ADAMTSL1: variants seen among roughly 807,000 people sequenced by gnomAD.
ADAMTSL1 encodes the protein ADAMTS like 1.
Under a neutral mutation model 201.8 loss-of-function variants are expected in ADAMTSL1, and 126 were observed. The observed-to-expected ratio is 0.62, with a 90% CI of 0.54 to 0.72. ADAMTSL1 has a LOEUF of 0.72. Among genes scored for constraint, ADAMTSL1 ranks in the 30% least tolerant of loss-of-function variants. The probability of loss-of-function intolerance (pLI) is 0.00; values close to 1 mark genes in which losing one functional copy is unlikely to be tolerated. For synonymous variants in ADAMTSL1, 1,121 were observed against 903.4 expected (o/e 1.24, Z -4.32); for missense variants, 2,679 against 2,277.8 (o/e 1.18, Z -3.59).
chr9:18,207,728 A>AC (rs1338897591), intron 2 of ADAMTSL1, among the ~76,000 whole-genome samples: 1 of 152,008 alleles, frequency 6.6e-6, no homozygotes, highest in African/African-American at 2.4e-5. Context: ...CTGTTTTTCA[A>AC]CCTCTTGGAA....
intron 23 of ADAMTSL1, among the ~76,000 whole-genome samples, chr9:18,849,721 G>A (rs567790309): frequency 1.4e-4 from 21 of 152,308 alleles, no homozygotes; most frequent in East Asian, 7.7e-4. Context: ...CTGGAAGGCC[G>A]AGGTTTTATG....
intron 19 of ADAMTSL1, among the ~76,000 whole-genome samples, chr9:18,782,348 T>C (rs952629498): frequency 9.2e-5 from 14 of 152,242 alleles, no homozygotes; most frequent in African/African-American, 3.1e-4. Context: ...TATGTTCCCT[T>C]GGAGTTTACA....
At chr9:18,359,707 A>C (rs1836416989) in intron 2 of ADAMTSL1, among the ~76,000 whole-genome samples, 1 of 152,048 alleles carries the variant, frequency 6.6e-6, no homozygotes, top group African/African-American at 2.4e-5. Context: ...TGATCATGTA[A>C]GATATGTATA....
At chr9:18,290,867 T>G (rs138695998) in intron 2 of ADAMTSL1, among the ~76,000 whole-genome samples, 56 of 151,096 alleles carry the variant, frequency 3.7e-4, no homozygotes, top group Non-Finnish European at 6.9e-4. Context: ...CTACAAGCTC[T>G]GCCTCCCAGG....
At chr9:18,556,446 T>A (rs561025315) in intron 3 of ADAMTSL1, among the ~76,000 whole-genome samples, 3 of 152,118 alleles carry the variant, frequency 2.0e-5, no homozygotes, top group Non-Finnish European at 4.4e-5. Flanking sequence ...TTAATCAGTC[T>A]TTCCCCTTCT....
chr9:18,675,191 A>G (rs148925530), intron 9 of ADAMTSL1, among the ~76,000 whole-genome samples: 3 of 152,314 alleles, frequency 2.0e-5, no homozygotes, highest in African/African-American at 4.8e-5. Flanking sequence ...ATAGACCACA[A>G]AAACCCACTT....
intron 4 of ADAMTSL1, among the ~76,000 whole-genome samples, chr9:18,583,760 G>T (rs1218401391): frequency 6.6e-6 from 1 of 152,210 alleles, no homozygotes; most frequent in Non-Finnish European, 1.5e-5. Context: ...GAGTGATCCA[G>T]ATATGAGACA....
chr9:18,662,857 CT>C (rs1305617372), intron 9 of ADAMTSL1, among the ~76,000 whole-genome samples: 1 of 152,070 alleles, frequency 6.6e-6, no homozygotes, highest in Admixed American at 6.5e-5. Flanking sequence ...TGGTGATTCT[CT>C]TTAGTATAGT....
chr9:18,454,570 A>T (rs749936047), intron 2 of ADAMTSL1, among the ~76,000 whole-genome samples: 19 of 152,156 alleles, frequency 1.2e-4, no homozygotes, highest in Non-Finnish European at 2.1e-4. Context: ...ATGTCTGGGA[A>T]CACACCTATC....
chr9:18,673,303 T>C (rs1327273761), intron 9 of ADAMTSL1, among the ~76,000 whole-genome samples: 1 of 151,988 alleles, frequency 6.6e-6, no homozygotes, highest in Admixed American at 6.6e-5. Context: ...AGCAACAGTG[T>C]AGTGAAAGGC....
chr9:18,425,188 TC>T (rs1048303130), intron 2 of ADAMTSL1, among the ~76,000 whole-genome samples: 4 of 151,206 alleles, frequency 2.6e-5, no homozygotes, highest in African/African-American at 7.3e-5. Flanking sequence ...GTTTCCTCCC[TC>T]CCCCACTTCA....
chr9:18,489,281 G>T (rs922863767), intron 1 of ADAMTSL1, among the ~76,000 whole-genome samples: 2 of 152,106 alleles, frequency 1.3e-5, no homozygotes, highest in Non-Finnish European at 2.9e-5. Flanking sequence ...AAAAACTTAG[G>T]AGCCCCTTGT....
chr9:17,926,085 G>A (rs1425498403), intron 1 of ADAMTSL1, among the ~76,000 whole-genome samples: 1 of 152,048 alleles, frequency 6.6e-6, no homozygotes, highest in Non-Finnish European at 1.5e-5. Context: ...ACTGACTCAT[G>A]CGGTCTGTGA....
chr9:18,103,338 C>T (rs544645893), intron 1 of ADAMTSL1, among the ~76,000 whole-genome samples: 17 of 152,134 alleles, frequency 1.1e-4, no homozygotes, highest in South Asian at 4.2e-4. Context: ...TTACATGCTA[C>T]ATATATTGTT....
At chr9:18,637,309 C>G (rs1299052183) in intron 6 of ADAMTSL1, among the ~76,000 whole-genome samples, 1 of 152,044 alleles carries the variant, frequency 6.6e-6, no homozygotes, top group Non-Finnish European at 1.5e-5. Context: ...CTGGAGAGGG[C>G]TAACTGTCCA....
intron 15 of ADAMTSL1, among the ~76,000 whole-genome samples, chr9:18,751,612 G>A (rs1305903568): frequency 1.3e-5 from 2 of 152,198 alleles, no homozygotes; most frequent in African/African-American, 4.8e-5. Context: ...GATGGACCCT[G>A]CAAGTAATAC....
intron 16 of ADAMTSL1, among the ~76,000 whole-genome samples, chr9:18,758,316 G>C (rs538084927): frequency 7.5e-4 from 114 of 152,278 alleles, no homozygotes; most frequent in South Asian, 5.2e-3. Flanking sequence ...AGAACACTCG[G>C]TATTTGTTGC....
chr9:18,223,383 T>G (rs1830333492), intron 2 of ADAMTSL1, among the ~76,000 whole-genome samples: 1 of 152,150 alleles, frequency 6.6e-6, no homozygotes, highest in South Asian at 2.1e-4. Context: ...TATGAGATAC[T>G]CAACCTGTAT....
intron 20 of ADAMTSL1, among the ~76,000 whole-genome samples, chr9:18,802,753 G>A (rs567932050): frequency 5.9e-5 from 9 of 152,170 alleles, no homozygotes; most frequent in South Asian, 2.1e-4. Context: ...GTTGTTTGGC[G>A]CATTTATGTT....
Sources: gnomAD v4.1 joint callset for allele counts (sites outside exome capture counted in the v4.1 genomes callset) on GRCh38, gnomAD v4.1.1 for gene constraint, MANE v1.5 for transcripts, NCBI Gene and HGNC (gene_info 2026-07-23, HGNC 2026-07-21) for gene names.